Variants in SRD5A3 observed in about 807,000 individuals in gnomAD.
SRD5A3 encodes the protein polyprenal reductase.
In SRD5A3, 24 loss-of-function variants were observed where a neutral mutation model predicts 34.3. The ratio of observed to expected loss-of-function variants is 0.70; its 90% confidence interval spans 0.51 to 0.99. The LOEUF is 0.99. Ranked by LOEUF, SRD5A3 falls within the 50% of genes least tolerant of loss-of-function variation. The pLI is 0.00. For synonymous variants in SRD5A3, 161 were observed against 167.3 expected (o/e 0.96, Z 0.29); for missense variants, 350 against 388.2 (o/e 0.90, Z 0.83).
At position 55,346,418 on chromosome 4, in the gene SRD5A3, C is replaced by G; in HGVS notation, c.82C>G (p.Leu28Val). Residue 28 changes from leucine to valine, a missense_variant, in exon 1 of 5, where the codon CTG becomes GTG. Physicochemically the swap from Leu to Val is conservative, Grantham distance 32 (BLOSUM62 1). Coordinates refer to ENST00000264228, the MANE Select transcript of SRD5A3 (RefSeq NM_024592.5). ...GCTCACGCTGACCGCCGCCTTCCTG[C>G]TGACCCTACTGCTGCAGCTCCTGCC... is the stretch of plus-strand genomic sequence containing the variant. The part of the protein sequence containing the change: ...VWLTLTAAFL[L>V]TLLLQLLPPG... The G allele has an allele frequency of 6.2e-7, 1 of 1,600,806 alleles. No individual in the cohort carries two copies. Among genetic ancestry groups the G allele is most frequent in the South Asian group, 1.1e-5 (1 of 89,316 alleles).
intron 1 of SRD5A3, among the ~76,000 whole-genome samples, chr4:55,357,631 T>A (rs2109471461): frequency 6.6e-6 from 1 of 152,360 alleles, no homozygotes; most frequent in East Asian, 1.9e-4. Context: ...TCAAATAGTT[T>A]AAGAGATGTT....
chr4:55,349,533 G>T (rs560968708), intron 1 of SRD5A3, among the ~76,000 whole-genome samples: 6 of 151,272 alleles, frequency 4.0e-5, no homozygotes, highest in Non-Finnish European at 7.4e-5. Flanking sequence ...CTGTCTGGTA[G>T]ATTTTTTTTT....
intron 1 of SRD5A3, among the ~76,000 whole-genome samples, chr4:55,351,058 G>C (rs1167382352): frequency 6.6e-6 from 1 of 150,560 alleles, no homozygotes; most frequent in Admixed American, 6.6e-5. Context: ...GAGTCACCAT[G>C]TGCCTGGCCT....
intron 1 of SRD5A3, 132 bp from the exon 2 acceptor site, chr4:55,359,214 C>A: frequency 2.4e-6 from 3 of 1,244,644 alleles, no homozygotes; most frequent in South Asian, 2.4e-5. Context: ...GATTCAGATT[C>A]TATTAAAAAG....
rs368045860 is a variant in SRD5A3, at chr4:55,359,457, G to A, written c.333G>A (p.Leu111=). 5.6e-6 allele frequency: 9 copies of A among 1,613,770 alleles called. No individual in the cohort carries two copies. The highest frequency in any genetic ancestry group is 6.8e-6 in the Non-Finnish European group (8 of 1,180,002). The change falls in exon 2 of 5, where the codon TTG becomes TTA. Residue 111 remains leucine, a synonymous_variant. Coordinates refer to ENST00000264228, the MANE Select transcript of SRD5A3 (RefSeq NM_024592.5). ...CTTTTCCAAGCTGGCTTCATGGTTT[G>A]CTCAGAATTCTCGGGGCGGCACAGT... The part of the protein sequence containing the change: ...GAPFPSWLHG[L]LRILGAAQFQ...
chr4:55,356,102 G>T (rs1295771895), intron 1 of SRD5A3, among the ~76,000 whole-genome samples: 1 of 137,466 alleles, frequency 7.3e-6, no homozygotes, highest in Non-Finnish European at 1.5e-5. Context: ...TCTGCCTCCT[G>T]GGTTTAAGCT....
rs894259289 is a variant in SRD5A3 at position 55,371,014 on chromosome 4, A to G, written c.*923A>G. 2 of 152,246 alleles carry G rather than the reference A, an allele frequency of 1.3e-5. No homozygotes were observed. The highest frequency in any genetic ancestry group is 2.9e-5 in the Non-Finnish European group (2 of 68,042). 9.4% of individuals were successfully genotyped at this position (152,246 alleles called of 1,614,324 possible). ...TAAATAACTATCAATATCCATTTCCATTCATCTCCCCCTCAAATCATAGCC... is the reference window on the plus strand; with the variant it reads ...TAAATAACTATCAATATCCATTTCCGTTCATCTCCCCCTCAAATCATAGCC... On this transcript the variant is annotated 3_prime_UTR_variant, in exon 5 of 5. Coordinates refer to ENST00000264228, the MANE Select transcript of SRD5A3 (RefSeq NM_024592.5).
At chr4:55,368,290 A>G (rs1039202065) in intron 4 of SRD5A3, among the ~76,000 whole-genome samples, 28 of 151,396 alleles carry the variant, frequency 1.8e-4, no homozygotes, top group African/African-American at 6.5e-4. Context: ...GAGGCACTAG[A>G]ATCACTTGAA....
chr4:55,359,706 G>A (rs1719606067), intron 2 of SRD5A3, among the ~76,000 whole-genome samples: 1 of 152,202 alleles, frequency 6.6e-6, no homozygotes, highest in Admixed American at 6.5e-5. Flanking sequence ...AGAGCCAAGA[G>A]TTAGCGCTCC....
rs772398326 is a variant in SRD5A3 at position 55,363,158 on chromosome 4, C to CT, written c.365-910dup. ...CATCGCCCCCGGCCGTGACTCATTT[C>CT]TTTTTTAAGTGACTGGGCGTGGTAT... On this transcript the variant is annotated intron_variant, in intron 2 of 4. Transcript: ENST00000264228. Among the ~76,000 whole-genome samples the CT allele has an allele frequency of 6.3e-4, 95 of 151,234 alleles. 1 individual carries two copies. The highest frequency in any genetic ancestry group is 1.2e-3 in the Admixed American group (18 of 15,146).
In SRD5A3 at chr4:55,346,486, C is replaced by T; in HGVS notation, c.150C>T (p.Ile50=). The T allele has an allele frequency of 6.2e-7, 1 of 1,605,152 alleles. No individual in the cohort carries two copies. ...LPGCAIFQDL[I]RYGKTKCGEP... ...GCTGCGCGATCTTCCAGGACCTGAT[C>T]CGCTATGGGAAAACCAAGTGTGGGG... is the stretch of plus-strand genomic sequence containing the variant. The change falls in exon 1 of 5, where the codon ATC becomes ATT. Residue 50 remains isoleucine (I), a synonymous_variant. Transcript: ENST00000264228.
chr4:55,356,148 A>T (rs906032729), intron 1 of SRD5A3, among the ~76,000 whole-genome samples: 2 of 151,556 alleles, frequency 1.3e-5, no homozygotes, highest in African/African-American at 4.9e-5. Context: ...AGCTAGGATT[A>T]CAGGCGTGTG....
rs140875215 is a variant in SRD5A3, at chr4:55,353,675, C to T, written c.222-5671C>T. 7.3e-3 allele frequency among the ~76,000 whole-genome samples: 1,112 copies of T among 152,060 alleles called. 16 individuals carry two copies. The highest frequency in any genetic ancestry group is 0.026 in the African/African-American group (1,060 of 41,468). On this transcript the variant is annotated intron_variant, in intron 1 of 4. Coordinates refer to ENST00000264228, the MANE Select transcript of SRD5A3 (RefSeq NM_024592.5). Reference sequence around the variant, plus strand: ...TCTGCGGCTTCACTCCTGAAGTCAGCGAGACCACGAACCCACCTGGAGGAA... The same window carrying T: ...TCTGCGGCTTCACTCCTGAAGTCAGTGAGACCACGAACCCACCTGGAGGAA...
intron 3 of SRD5A3, among the ~76,000 whole-genome samples, chr4:55,365,840 A>G (rs1413858860): frequency 6.6e-6 from 1 of 152,234 alleles, no homozygotes; most frequent in Non-Finnish European, 1.5e-5. Context: ...GCATTTGCCA[A>G]CCAAAGGGCG....
intron 2 of SRD5A3, among the ~76,000 whole-genome samples, chr4:55,360,606 T>A (rs571512265): frequency 1.5e-4 from 23 of 152,204 alleles, no homozygotes; most frequent in African/African-American, 5.3e-4. Context: ...ATAATAAAAT[T>A]GACTAAACAG....
chr4:55,367,870 TC>T, intron 4 of SRD5A3, 148 bp downstream of exon 4: 1 of 1,049,116 alleles, frequency 9.5e-7, no homozygotes, highest in Non-Finnish European at 1.4e-6. Context: ...GCCTTGATCT[TC>T]CCATCTGTGA....
chr4:55,369,565 A>G, intron 4 of SRD5A3: 1 of 470,400 alleles, frequency 2.1e-6, no homozygotes, highest in Non-Finnish European at 3.8e-6. Flanking sequence ...CCCTGTCTCT[A>G]CAAAAAATTC....
rs531773529 is a variant in SRD5A3 at position 55,352,313 on chromosome 4, A to G, written c.221+5756A>G. ...TGGGATCCTTCTTTTCTTTCTTTTTAGGTTTTAATTTATCCTTTTCTGTAA... is the reference window on the plus strand; with the variant it reads ...TGGGATCCTTCTTTTCTTTCTTTTTGGGTTTTAATTTATCCTTTTCTGTAA... On this transcript the variant is annotated intron_variant, in intron 1 of 4. Coordinates refer to ENST00000264228, the MANE Select transcript of SRD5A3 (RefSeq NM_024592.5). The G allele has an allele frequency of 1.8e-4, 143 of 797,866 alleles. No individual in the cohort carries two copies. The African/African-American group carries it at 2.1e-3, about 12-fold the overall frequency. The allele number at this position is 797,866 out of a possible 1,614,324, so 49.4% of individuals were successfully genotyped here.
rs1352671039 is a variant in SRD5A3, at chr4:55,346,430, C to T, written c.94C>T (p.Leu32=). 3.7e-6 allele frequency: 6 copies of T among 1,604,440 alleles called. No homozygotes were observed. In the African/African-American group the frequency reaches 4.1e-5, roughly 11 times the overall value. ...CGCCGCCTTCCTGCTGACCCTACTG[C>T]TGCAGCTCCTGCCGCCCGGCCTGCT... is the stretch of plus-strand genomic sequence containing the variant. ...LTAAFLLTLL[L]QLLPPGLLPG... is the part of the protein sequence containing the mutation. The change falls in exon 1 of 5, where the codon CTG becomes TTG. Residue 32 remains leucine, a synonymous_variant. Transcript: ENST00000264228.
Sources: allele counts gnomAD v4.1 joint callset (sites outside exome capture counted in the v4.1 genomes callset), GRCh38; gene constraint gnomAD v4.1.1; transcripts MANE v1.5; gene names NCBI Gene and HGNC (gene_info 2026-07-23, HGNC 2026-07-21).